The following FAT2 variants were observed in gnomAD, a reference collection of about 807,000 sequenced individuals.
The protein encoded by FAT2 is protocadherin Fat 2.
Under a neutral mutation model 295.3 loss-of-function variants are expected in FAT2, and 150 were observed. The observed-to-expected ratio is 0.51, with a 90% CI of 0.44 to 0.58. FAT2 has a LOEUF of 0.58. Among genes scored for constraint, FAT2 ranks in the 20% least tolerant of loss-of-function variants. The pLI is 0.00. For synonymous variants in FAT2, 2,026 were observed against 2,150.3 expected (o/e 0.94, Z 1.60); for missense variants, 4,868 against 5,442.7 (o/e 0.89, Z 3.32).
intron 9 of FAT2, among the ~76,000 whole-genome samples, chr5:151,546,723 CTT>C (rs796620329): frequency 4.8e-5 from 7 of 145,950 alleles, no homozygotes; most frequent in African/African-American, 5.0e-5. Flanking sequence ...TTTTGTATAA[CTT>C]TTTTTTTTTT....
rs1754896691 is a variant in FAT2 at position 151,533,461 on chromosome 5, C to T, written c.9427+948G>A. 2.0e-5 allele frequency among the ~76,000 whole-genome samples: 3 copies of T among 150,820 alleles called. 1 individual carries two copies. In the South Asian group the frequency reaches 6.3e-4, roughly 32 times the overall value. On this transcript the variant is annotated intron_variant, in intron 13 of 23. Coordinates refer to ENST00000261800, the MANE Select transcript of FAT2 (RefSeq NM_001447.3). ...ACGCTTTCCAGGTCCAGCCACCCTG[C>T]CTTTGTGTTGACTGTTTGCCCTCCC...
intron 1 of FAT2, among the ~76,000 whole-genome samples, chr5:151,573,619 A>T (rs139612583): frequency 0.014 from 2,077 of 152,282 alleles, 46 homozygotes; most frequent in African/African-American, 0.048. Flanking sequence ...GCGCCACTGC[A>T]CTCCAGCCTG....
chr5:151,569,413 A>G (rs1403659065), intron 1 of FAT2, among the ~76,000 whole-genome samples: 1 of 152,134 alleles, frequency 6.6e-6, no homozygotes, highest in Non-Finnish European at 1.5e-5. Context: ...CGAGAACAGC[A>G]TGAGAAAAAC....
chr5:151,537,277 T>TGGA (rs1296981376), intron 12 of FAT2, among the ~76,000 whole-genome samples: 51 of 132,868 alleles, frequency 3.8e-4, no homozygotes, highest in Admixed American at 2.3e-3. Flanking sequence ...ATGGTGGTGG[T>TGGA]GGAGGAGGAG....
At position 151,543,801 on chromosome 5, in the gene FAT2, G is replaced by C. The variant is rs768477485; in HGVS notation, c.7326C>G (p.Cys2442Trp). ...TGTAAGAAGAGTCCAGGTGCTTTTTGCAAAGGTTGAACATAGAAATTATTC... is the reference window on the plus strand; with the variant it reads ...TGTAAGAAGAGTCCAGGTGCTTTTTCCAAAGGTTGAACATAGAAATTATTC... ...SSGIISMFNL[C>W]KKHLDSSYNL... Residue 2442 changes from cysteine (C) to tryptophan (W), a missense_variant, in exon 10 of 24, where the codon TGC (cysteine) becomes TGG (tryptophan). Around this residue, in one of 5 missense-constraint regions of FAT2, gnomAD observed 3,297 missense variants for 3,669.4 expected, o/e 0.90. Coordinates refer to ENST00000261800, the MANE Select transcript of FAT2 (RefSeq NM_001447.3). 1.2e-6 allele frequency: 2 copies of C among 1,614,054 alleles called. No individual in the cohort carries two copies. Among genetic ancestry groups the C allele is most frequent in the East Asian group, 2.2e-5 (1 of 44,898 alleles).
Position 151,563,315 on chromosome 5 carries a change from G to T in FAT2, c.3574+10C>A, listed in dbSNP as rs2127641336. ...GAGATCCCTGTTCACCCAGCTTTTTGGATCCTTACCTGTAACAGGGTGAAT... is the reference window on the plus strand; with the variant it reads ...GAGATCCCTGTTCACCCAGCTTTTTTGATCCTTACCTGTAACAGGGTGAAT... On this transcript the variant is annotated intron_variant, in intron 3 of 23. Coordinates refer to ENST00000261800, the MANE Select transcript of FAT2 (RefSeq NM_001447.3). The T allele has an allele frequency of 6.2e-7, 1 of 1,610,870 alleles. No homozygotes were observed. Among genetic ancestry groups the T allele is most frequent in the South Asian group, 1.1e-5 (1 of 90,534 alleles).
At position 151,512,091 on chromosome 5, in the gene FAT2, C is replaced by T; in HGVS notation, c.11905+74G>A. 7.0e-7 allele frequency: 1 copy of T among 1,435,396 alleles called. No homozygotes were observed. Among genetic ancestry groups the T allele is most frequent in the African/African-American group, 1.4e-5 (1 of 70,844 alleles). 88.9% of individuals were successfully genotyped at this position (1,435,396 alleles called of 1,614,324 possible). A position where few individuals can be genotyped will look rare whatever the true frequency, so the allele number is the denominator to read the frequency against. On this transcript the variant is annotated intron_variant, in intron 21 of 23. Coordinates refer to ENST00000261800, the MANE Select transcript of FAT2 (RefSeq NM_001447.3). The surrounding 1 kb of genome is among the most constrained non-coding windows in gnomAD (Gnocchi z 4.1). ...GAACCAGGAGGCTCTGAGATCTCCA[C>T]CCTGACATGCTTTTCCCACCTGAAG...
rs375099975 is a variant in FAT2 at position 151,512,409 on chromosome 5, G to A, written c.11661C>T (p.Pro3887=). ...VVPENCRGLR[P]ERHLLLGGLI... is the part of the protein sequence containing the mutation. Reference sequence around the variant, plus strand: ...GGCCGCCCAGCAAGAGGTGCCTTTCGGGCCTCAGACCACGGCAGTTCTCTG... The same window carrying A: ...GGCCGCCCAGCAAGAGGTGCCTTTCAGGCCTCAGACCACGGCAGTTCTCTG... The change falls in exon 21 of 24, where the codon CCC becomes CCT. Residue 3887 remains proline (P), a synonymous_variant. Transcript: ENST00000261800. The surrounding 1 kb of genome is among the most constrained non-coding windows in gnomAD (Gnocchi z 4.1). 8.5e-5 allele frequency: 138 copies of A among 1,614,090 alleles called. No homozygotes were observed. The highest frequency in any genetic ancestry group is 1.1e-4 in the Non-Finnish European group (126 of 1,180,046).
In FAT2 at chr5:151,507,333, T is replaced by G. The variant is rs756209489; in HGVS notation, c.12338A>C (p.Asn4113Thr). 1 of 1,614,134 alleles carries G rather than the reference T, an allele frequency of 6.2e-7. No individual in the cohort carries two copies. Among genetic ancestry groups the G allele is most frequent in the Admixed American group, 1.7e-5 (1 of 60,014 alleles). ...CTTGCTGGGTTCCGGTTGGTTGAGG[T>G]TGTTGCAGGAGCTGGCACTCAATGG... ...LNPLSASSCN[N>T]LNQPEPSKAS... Residue 4113 changes from asparagine to threonine, a missense_variant, in exon 23 of 24, where the codon AAC (asparagine) becomes ACC (threonine). Around this residue, in one of 5 missense-constraint regions of FAT2, gnomAD observed 492 missense variants for 482.6 expected, o/e 1.02. Coordinates refer to ENST00000261800, the MANE Select transcript of FAT2 (RefSeq NM_001447.3).
chr5:151,565,647 A>AGCGCCC, intron 2 of FAT2, 26 bp downstream of exon 2: 1 of 1,461,020 alleles, frequency 6.8e-7, no homozygotes, highest in Non-Finnish European at 9.3e-7. Context: ...TGGCCCTGGC[A>AGCGCCC]CCCCACCCTA....
At chr5:151,564,241 A>C (rs575974078) in intron 2 of FAT2, among the ~76,000 whole-genome samples, 11 of 152,246 alleles carry the variant, frequency 7.2e-5, no homozygotes. Flanking sequence ...CTCATGGATC[A>C]TGCTGTACTG....
At chr5:151,522,327 A>G (rs1753557159) in intron 18 of FAT2, among the ~76,000 whole-genome samples, 1 of 152,228 alleles carries the variant, frequency 6.6e-6, no homozygotes, top group African/African-American at 2.4e-5. Flanking sequence ...ACCATGCAGT[A>G]AAACAATGCA....
Position 151,566,462 on chromosome 5 carries a change from C to G in FAT2, c.2470G>C (p.Gly824Arg). ...TCCTCCGAGATGGTTAACTGGTACC[C>G]ACCGGGAGGAAATCTGGGTGCGTTG... is the stretch of plus-strand genomic sequence containing the variant. ...NDNAPRFPPG[G>R]YQLTISEDTE... The change falls in exon 2 of 24, where the codon GGG becomes CGG. Residue 824 changes from glycine (G) to arginine (R), a missense_variant. Coordinates refer to ENST00000261800, the MANE Select transcript of FAT2 (RefSeq NM_001447.3). 1 of 1,613,398 alleles carries G rather than the reference C, an allele frequency of 6.2e-7. No individual in the cohort carries two copies. Among genetic ancestry groups the G allele is most frequent in the Non-Finnish European group, 8.5e-7 (1 of 1,179,696 alleles).
rs1482943795 is a variant in FAT2 at position 151,542,314 on chromosome 5, T to G, written c.8813A>C (p.Gln2938Pro). ...GATGTAGCAGGTGACCTGCCTGTTC[T>G]GCTCAGAAATGTCAGCATCCAGGGT... The part of the protein sequence containing the change: ...LKTLDADISE[Q>P]NRQVTCYITE... The change falls in exon 10 of 24, where the codon CAG (glutamine) becomes CCG (proline). Residue 2938 changes from glutamine (Q) to proline (P), a missense_variant. This residue lies in a region of FAT2 where 3,297 missense variants were observed against 3,669.4 expected (regional missense o/e 0.90). Coordinates refer to ENST00000261800, the MANE Select transcript of FAT2 (RefSeq NM_001447.3). 1 of 1,610,244 alleles carries G rather than the reference T, an allele frequency of 6.2e-7. No homozygotes were observed. The highest frequency in any genetic ancestry group is 8.5e-7 in the Non-Finnish European group (1 of 1,178,118).
chr5:151,519,399 A>G (rs1260455191), intron 19 of FAT2, among the ~76,000 whole-genome samples: 1 of 152,198 alleles, frequency 6.6e-6, no homozygotes, highest in Non-Finnish European at 1.5e-5. Context: ...TGGCAATTCC[A>G]TTGTAGTAGG....
At chr5:151,570,827 G>T (rs933266281) in intron 1 of FAT2, among the ~76,000 whole-genome samples, 1 of 152,186 alleles carries the variant, frequency 6.6e-6, no homozygotes, top group Non-Finnish European at 1.5e-5. Context: ...GAGGCTTGGA[G>T]CCCCGTCTTG....
intron 20 of FAT2, 110 bp downstream of exon 20, chr5:151,517,510 G>T: frequency 7.5e-7 from 1 of 1,336,162 alleles, no homozygotes; most frequent in Non-Finnish European, 1.0e-6. Flanking sequence ...TGAAAACTGT[G>T]CAGGGATTTC....
rs370590019 is a variant in FAT2 at position 151,567,798 on chromosome 5, G to A, written c.1134C>T (p.Gly378=). The A allele has an allele frequency of 9.2e-5, 149 of 1,614,062 alleles. No homozygotes were observed. The highest frequency in any genetic ancestry group is 1.1e-4 in the Non-Finnish European group (132 of 1,180,030). The part of the protein sequence containing the change: ...RVQLSEFSPP[G]SRVVMVRVTP... ...TGACTCTCACCATCACCACGCGGCT[G>A]CCAGGAGGGGAAAACTCACTAAGCT... Residue 378 remains glycine (G), a synonymous_variant, in exon 2 of 24, where the codon GGC becomes GGT. Transcript: ENST00000261800.
chr5:151,544,105 GC>G lies in FAT2; in HGVS notation c.7021del (p.Ala2341ProfsTer7), dbSNP rs781118666. 6.2e-7 allele frequency: 1 copy of G among 1,614,202 alleles called. No individual in the cohort carries two copies. ...MSTVQELDYE[A>X]QQHFHVKVRA... Reference sequence around the variant, plus strand: ...GACTTTCACATGAAAGTGTTGTTGGGCTTCATAATCCAGTTCTTGAACTGTG... The same window carrying G: ...GACTTTCACATGAAAGTGTTGTTGGGTTCATAATCCAGTTCTTGAACTGTG... On this transcript the variant is annotated frameshift_variant, in exon 10 of 24. Transcript: ENST00000261800. LOFTEE classifies it high-confidence loss of function.
Sources: allele counts gnomAD v4.1 joint callset (sites outside exome capture counted in the v4.1 genomes callset), GRCh38; gene constraint gnomAD v4.1.1; regional missense constraint gnomAD v4.1.1; non-coding constraint Gnocchi (gnomAD v3.1); transcripts MANE v1.5; gene names NCBI Gene and HGNC (gene_info 2026-07-23, HGNC 2026-07-21).